Variants in RANBP3L observed in about 807,000 individuals in gnomAD.
The protein encoded by RANBP3L is RAN binding protein 3 like.
RANBP3L carries 56 observed loss-of-function variants against 67.2 expected under a neutral mutation model. The ratio of observed to expected loss-of-function variants is 0.83; its 90% CI spans 0.67 to 1.04. The LOEUF is 1.04. Ranked by LOEUF, RANBP3L falls within the 50% of genes least tolerant of loss-of-function variation. RANBP3L has a pLI of 0.00. For missense variants in RANBP3L, 496 were observed against 535.5 expected, an observed-to-expected ratio of 0.93 and a Z score of 0.73; for synonymous variants, 164 against 181.4, an observed-to-expected ratio of 0.90 and a Z score of 0.77.
chr5:36,268,134 A>T, intron 4 of RANBP3L: 1 of 1,122,008 alleles, frequency 8.9e-7, no homozygotes, highest in Non-Finnish European at 1.3e-6. Flanking sequence ...AGTCATCATT[A>T]ATAAGAATGA....
rs1016568931 is a variant in RANBP3L at position 36,247,795 on chromosome 5, C to A, written c.*1859G>T. ...GCTACTCAGGAGGCTGAGTGAGGCA[C>A]GAGAATCCCTTGAACCCGGGAGGGG... On this transcript the variant is annotated 3_prime_UTR_variant, in exon 14 of 14. Coordinates refer to ENST00000296604, the MANE Select transcript of RANBP3L (RefSeq NM_145000.5). Among the ~76,000 whole-genome samples the A allele has an allele frequency of 6.6e-6, 1 of 152,100 alleles. No individual in the cohort carries two copies. Among genetic ancestry groups the A allele is most frequent in the Admixed American group, 6.5e-5 (1 of 15,274 alleles).
chr5:36,275,343 G>A (rs1750498472), intron 1 of RANBP3L, among the ~76,000 whole-genome samples: 1 of 152,182 alleles, frequency 6.6e-6, no homozygotes, highest in Non-Finnish European at 1.5e-5. Context: ...CATACCATTA[G>A]TAAGTGGCAA....
At chr5:36,287,190 A>G (rs1222749321) in intron 1 of RANBP3L, among the ~76,000 whole-genome samples, 1 of 152,194 alleles carries the variant, frequency 6.6e-6, no homozygotes, top group Non-Finnish European at 1.5e-5. Context: ...TCTAATGTGC[A>G]TTGATCTGAC....
At chr5:36,261,606 A>C (rs74365802) in intron 7 of RANBP3L, among the ~76,000 whole-genome samples, 3 of 152,188 alleles carry the variant, frequency 2.0e-5, no homozygotes, top group Admixed American at 6.5e-5. Flanking sequence ...GCCAAAATAA[A>C]AGAAAAAAAT....
chr5:36,267,234 C>T (rs1400992401), intron 4 of RANBP3L, among the ~76,000 whole-genome samples: 7 of 152,160 alleles, frequency 4.6e-5, no homozygotes, highest in Non-Finnish European at 8.8e-5. Flanking sequence ...TCAGGCCAGG[C>T]ATGGTGGCTC....
chr5:36,251,467 T>C lies in RANBP3L; in HGVS notation c.1200A>G (p.Ala400=). 1 of 1,612,406 alleles carries C rather than the reference T, an allele frequency of 6.2e-7. No individual in the cohort carries two copies. The highest frequency in any genetic ancestry group is 8.5e-7 in the Non-Finnish European group (1 of 1,178,992). ...GTGCAACAAGACGATGATGTATTGC[T>C]GCATACAAATATGCTGTATCTTGGG... ...ASAQDTAYLY[A]AIHHRLVALQ... The change falls in exon 13 of 14, where the codon GCA becomes GCG. Residue 400 remains alanine, a synonymous_variant. Coordinates refer to ENST00000296604, the MANE Select transcript of RANBP3L (RefSeq NM_145000.5).
chr5:36,268,649 G>T (rs1185679306), intron 4 of RANBP3L, among the ~76,000 whole-genome samples: 4 of 151,044 alleles, frequency 2.6e-5, no homozygotes, highest in Non-Finnish European at 5.9e-5. Flanking sequence ...GGTTTACTCA[G>T]AATACAGTGT....
At chr5:36,281,267 G>A (rs145249365) in intron 1 of RANBP3L, among the ~76,000 whole-genome samples, 274 of 152,284 alleles carry the variant, frequency 1.8e-3, no homozygotes, top group African/African-American at 6.3e-3. Flanking sequence ...GGTCATGTAT[G>A]TAAAACACTC....
At chr5:36,265,403 G>T in intron 5 of RANBP3L, 46 bp downstream of exon 5, 2 of 1,252,308 alleles carry the variant, frequency 1.6e-6, no homozygotes, top group Non-Finnish European at 1.2e-6. Context: ...AAATATAGGT[G>T]GTAAAATATA....
At chr5:36,284,278 C>A (rs1751181565) in intron 1 of RANBP3L, among the ~76,000 whole-genome samples, 1 of 152,088 alleles carries the variant, frequency 6.6e-6, no homozygotes, top group South Asian at 2.1e-4. Context: ...TTGTTTATTG[C>A]CATCCACAGG....
intron 2 of RANBP3L, 124 bp downstream of exon 2, chr5:36,271,129 A>G (rs1382811128): frequency 1.8e-5 from 12 of 663,052 alleles, no homozygotes; most frequent in East Asian, 2.7e-5. Context: ...ATCTGGAGGC[A>G]CTACTCTGCT....
rs760520055 is a variant in RANBP3L, at chr5:36,257,026, G to A, written c.818C>T (p.Ala273Val). The change falls in exon 10 of 14, where the codon GCA (alanine) becomes GTA (valine). Residue 273 changes from alanine (A) to valine (V), a missense_variant. Coordinates refer to ENST00000296604, the MANE Select transcript of RANBP3L (RefSeq NM_145000.5). ...KNTSLIESAA[A>V]FSSQPSRKCL... The stretch of plus-strand genomic sequence containing the variant: ...TTTTCGTGATGGTTGGGAAGAGAAT[G>A]CAGCAGCTGATTCAATTAGGGAAGT... 3.7e-6 allele frequency: 6 copies of A among 1,612,348 alleles called. No individual in the cohort carries two copies. Among genetic ancestry groups the A allele is most frequent in the Non-Finnish European group, 4.2e-6 (5 of 1,178,690 alleles).
At position 36,271,325 on chromosome 5, in the gene RANBP3L, GA is replaced by G; in HGVS notation, c.92-15del. 1 of 1,525,922 alleles carries G rather than the reference GA, an allele frequency of 6.6e-7. No individual in the cohort carries two copies. The highest frequency in any genetic ancestry group is 9.1e-7 in the Non-Finnish European group (1 of 1,104,454). 94.5% of individuals were successfully genotyped at this position (1,525,922 alleles called of 1,614,324 possible). ...TGACAGATTTTTCTGTGAAAAAAAAGAAAACAGGCAAGAAATCAAAGCATAC... is the reference window on the plus strand; with the variant it reads ...TGACAGATTTTTCTGTGAAAAAAAAGAAACAGGCAAGAAATCAAAGCATAC... On this transcript the variant is annotated splice_polypyrimidine_tract_variant and intron_variant, in intron 1 of 13. Coordinates refer to ENST00000296604, the MANE Select transcript of RANBP3L (RefSeq NM_145000.5).
At chr5:36,265,541 AT>A in intron 4 of RANBP3L, 21 bp from the exon 5 acceptor site, 9 of 1,424,134 alleles carry the variant, frequency 6.3e-6, no homozygotes, top group South Asian at 1.2e-5. Flanking sequence ...AAATATTTAA[AT>A]TTTTTTAAAT....
chr5:36,286,240 C>A (rs868362810), intron 1 of RANBP3L, among the ~76,000 whole-genome samples: 1 of 152,246 alleles, frequency 6.6e-6, no homozygotes, highest in Middle Eastern at 3.4e-3. Context: ...GCATCCCTAA[C>A]TTTTTGTTGG....
intron 2 of RANBP3L, 146 bp downstream of exon 2, chr5:36,271,107 A>G (rs903969542): frequency 1.6e-6 from 1 of 613,896 alleles, no homozygotes. Context: ...GTAAATCCTG[A>G]CTATATAAAT....
intron 1 of RANBP3L, among the ~76,000 whole-genome samples, chr5:36,283,849 G>A (rs1751148290): frequency 6.6e-6 from 1 of 152,174 alleles, no homozygotes; most frequent in Non-Finnish European, 1.5e-5. Flanking sequence ...TGAATCTGAT[G>A]AGGGAAATAA....
At position 36,256,997 on chromosome 5, in the gene RANBP3L, A is replaced by G. The variant is rs1320812937; in HGVS notation, c.847T>C (p.Leu283=). Residue 283 remains leucine (L), a synonymous_variant, in exon 10 of 14, where the codon TTG becomes CTG. Coordinates refer to ENST00000296604, the MANE Select transcript of RANBP3L (RefSeq NM_145000.5). ...AFSSQPSRKC[L]LEKIDVITGE... Reference sequence around the variant, plus strand: ...GTTATAACATCAATTTTCTCCAGCAAGCATTTTCGTGATGGTTGGGAAGAG... The same window carrying G: ...GTTATAACATCAATTTTCTCCAGCAGGCATTTTCGTGATGGTTGGGAAGAG... 1 of 1,613,108 alleles carries G rather than the reference A, an allele frequency of 6.2e-7. No individual in the cohort carries two copies. The highest frequency in any genetic ancestry group is 2.2e-5 in the East Asian group (1 of 44,804).
intron 13 of RANBP3L, among the ~76,000 whole-genome samples, chr5:36,250,009 A>AG (rs1193935300): frequency 2.0e-5 from 3 of 151,956 alleles, no homozygotes; most frequent in African/African-American, 7.2e-5. Flanking sequence ...GGCAGGGGAA[A>AG]GGGGGTTCAT....
Sources: gnomAD v4.1 joint callset for allele counts (sites outside exome capture counted in the v4.1 genomes callset) on GRCh38, gnomAD v4.1.1 for gene constraint, MANE v1.5 for transcripts, NCBI Gene and HGNC (gene_info 2026-07-23, HGNC 2026-07-21) for gene names.